Variants in KDM4B observed in about 807,000 individuals in gnomAD.
KDM4B encodes lysine-specific demethylase 4B.
KDM4B carries 32 observed loss-of-function variants against 125.2 expected under a neutral mutation model. The observed-to-expected ratio is 0.26, with a 90% CI of 0.19 to 0.34. The LOEUF is 0.34. KDM4B is among the 10% of genes least tolerant of loss of function. KDM4B has a pLI of 1.00. For synonymous variants in KDM4B, 721 were observed against 677.9 expected (o/e 1.06, Z -0.99); for missense variants, 1,190 against 1,577.7 (o/e 0.75, Z 4.16).
chr19:5,076,143 G>A (rs1411299738), intron 7 of KDM4B: 2 of 93,994 alleles, frequency 2.1e-5, no homozygotes, highest in African/African-American at 4.4e-5. Context: ...ACCGAGTGAC[G>A]AGAGCGGCCA....
chr19:5,151,294 G>T, intron 22 of KDM4B, 41 bp from the exon 23 acceptor site: 1 of 1,427,408 alleles, frequency 7.0e-7, no homozygotes, highest in Non-Finnish European at 9.3e-7. Context: ...CGCACAGAGT[G>T]TCTCCACCGT....
chr19:5,148,006 C>T (rs1229293541), intron 21 of KDM4B, among the ~76,000 whole-genome samples: 11 of 152,124 alleles, frequency 7.2e-5, no homozygotes, highest in Non-Finnish European at 1.3e-4. Context: ...CAGGTGACAG[C>T]GAGGCCGAGT....
intron 9 of KDM4B, among the ~76,000 whole-genome samples, chr19:5,088,089 T>C (rs2145899927): frequency 6.6e-6 from 1 of 152,320 alleles, no homozygotes; most frequent in South Asian, 2.1e-4. Flanking sequence ...CCATTCCTTG[T>C]GTTCACTGCC....
intron 9 of KDM4B, among the ~76,000 whole-genome samples, chr19:5,091,154 C>T (rs2038694480): frequency 6.6e-6 from 1 of 152,254 alleles, no homozygotes; most frequent in Non-Finnish European, 1.5e-5. Context: ...CAGCACGCGG[C>T]CGGGCTGGCC....
intron 6 of KDM4B, among the ~76,000 whole-genome samples, chr19:5,054,936 C>T (rs1156998947): frequency 1.3e-5 from 2 of 152,242 alleles, no homozygotes; most frequent in Non-Finnish European, 2.9e-5. Flanking sequence ...GTGAACTGAG[C>T]ACCAGAAGCT....
intron 1 of KDM4B, among the ~76,000 whole-genome samples, chr19:5,007,281 G>A (rs935328749): frequency 1.3e-5 from 2 of 152,162 alleles, no homozygotes; most frequent in Non-Finnish European, 2.9e-5. Context: ...TGTCATTTTC[G>A]GCATGGTTTT....
intron 1 of KDM4B, among the ~76,000 whole-genome samples, chr19:4,989,548 C>A (rs1034279814): frequency 1.3e-5 from 2 of 151,958 alleles, no homozygotes; most frequent in Non-Finnish European, 1.5e-5. Flanking sequence ...ACCATGTTGG[C>A]CAGGCTAGTC....
In KDM4B at chr19:5,135,457, C is replaced by T; in HGVS notation, c.2204C>T (p.Ser735Phe). The change falls in exon 15 of 23, where the codon TCT (serine) becomes TTT (phenylalanine). Residue 735 changes from serine to phenylalanine, a missense_variant. Coordinates refer to ENST00000159111, the MANE Select transcript of KDM4B (RefSeq NM_015015.3). Reference protein sequence around the residue: ...RPLIPEMCFTSGGENTEPLPA... With the variant: ...RPLIPEMCFTFGGENTEPLPA... ...CTCATCCCTGAGATGTGCTTCACCT[C>T]TGGCGGTGAGAACACGGAGCCGCTG... The T allele has an allele frequency of 6.2e-7, 1 of 1,613,530 alleles. No homozygotes were observed.
chr19:4,998,367 A>G (rs2035267158), intron 1 of KDM4B, among the ~76,000 whole-genome samples: 1 of 152,300 alleles, frequency 6.6e-6, no homozygotes, highest in South Asian at 2.1e-4. Context: ...TTTTTTGGAC[A>G]TAATTTCAGA....
chr19:5,119,782 G>A lies in KDM4B; in HGVS notation c.1245G>A (p.Glu415=), dbSNP rs2039326359. ...GGSVKEEAGP[E]VDPEEEEEEP... ...GCGTGAAGGAGGAGGCTGGGCCGGAGGTTGACCCCGAGGAGGAGGAGGAGG... is the reference window on the plus strand; with the variant it reads ...GCGTGAAGGAGGAGGCTGGGCCGGAAGTTGACCCCGAGGAGGAGGAGGAGG... The change falls in exon 11 of 23, where the codon GAG becomes GAA. Residue 415 remains glutamate, a synonymous_variant. Coordinates refer to ENST00000159111, the MANE Select transcript of KDM4B (RefSeq NM_015015.3). 1.9e-6 allele frequency: 3 copies of A among 1,544,956 alleles called. No homozygotes were observed. Among genetic ancestry groups the A allele is most frequent in the Non-Finnish European group, 2.6e-6 (3 of 1,144,466 alleles).
At chr19:4,983,135 CTTT>C (rs76958173) in intron 1 of KDM4B, among the ~76,000 whole-genome samples, 9 of 130,626 alleles carry the variant, frequency 6.9e-5, no homozygotes, top group Admixed American at 7.6e-5. Flanking sequence ...TTTTTCTTTT[CTTT>C]TTTTTTTTTT....
chr19:5,109,632 A>G (rs1409709748), intron 9 of KDM4B, among the ~76,000 whole-genome samples: 3 of 152,114 alleles, frequency 2.0e-5, no homozygotes, highest in South Asian at 4.1e-4. Flanking sequence ...GCTGCAGCAC[A>G]TGGCACGTTA....
intron 3 of KDM4B, among the ~76,000 whole-genome samples, chr19:5,034,751 A>T (rs1204873586): frequency 6.6e-6 from 1 of 151,946 alleles, no homozygotes; most frequent in Non-Finnish European, 1.5e-5. Flanking sequence ...TCGCATTGTT[A>T]TTTCTTTGTC....
intron 3 of KDM4B, among the ~76,000 whole-genome samples, chr19:5,034,644 C>T (rs1055381390): frequency 3.9e-5 from 6 of 152,316 alleles, no homozygotes; most frequent in Middle Eastern, 3.4e-3. Flanking sequence ...CCTGCCTTTC[C>T]GGGCCGCCTC....
chr19:4,995,628 G>A (rs908286586), intron 1 of KDM4B, among the ~76,000 whole-genome samples: 3 of 152,154 alleles, frequency 2.0e-5, no homozygotes, highest in African/African-American at 4.8e-5. Flanking sequence ...TGCCATCATC[G>A]TTTTGATGAT....
chr19:5,003,187 T>C (rs1308627616), intron 1 of KDM4B, among the ~76,000 whole-genome samples: 3 of 152,188 alleles, frequency 2.0e-5, no homozygotes, highest in Admixed American at 6.5e-5. Context: ...CCCAGCTCCA[T>C]TGATTAAAAA....
chr19:4,984,428 G>A (rs1373145478), intron 1 of KDM4B, among the ~76,000 whole-genome samples: 2 of 152,138 alleles, frequency 1.3e-5, no homozygotes, highest in South Asian at 2.1e-4. Context: ...TAGTTTTTGC[G>A]GCCTCTTTAT....
intron 18 of KDM4B, among the ~76,000 whole-genome samples, chr19:5,140,018 T>A (rs187002588): frequency 7.2e-5 from 11 of 152,322 alleles, no homozygotes; most frequent in Admixed American, 2.0e-4. Flanking sequence ...GACCTCTCTG[T>A]GCCTCGGCCG....
chr19:5,003,427 G>A (rs924156910), intron 1 of KDM4B, among the ~76,000 whole-genome samples: 1 of 152,150 alleles, frequency 6.6e-6, no homozygotes, highest in African/African-American at 2.4e-5. Flanking sequence ...GTTGTGGTGA[G>A]CCAAGATCGT....
Sources: gnomAD v4.1 joint callset for allele counts (sites outside exome capture counted in the v4.1 genomes callset) on GRCh38, gnomAD v4.1.1 for gene constraint, MANE v1.5 for transcripts, NCBI Gene and HGNC (gene_info 2026-07-23, HGNC 2026-07-21) for gene names.